RBFOX1: variants seen among roughly 807,000 people sequenced by gnomAD.
RBFOX1 encodes RNA binding protein fox-1 homolog 1.
In RBFOX1, 8 loss-of-function variants were observed where a neutral mutation model predicts 57.7. That is an observed-to-expected ratio of 0.14 (90% confidence interval 0.08 to 0.25). The LOEUF (loss-of-function observed/expected upper bound fraction) is 0.25. RBFOX1 is among the 10% of genes least tolerant of loss of function. The probability of loss-of-function intolerance (pLI) is 1.00; values close to 1 mark genes in which losing one functional copy is unlikely to be tolerated. For missense variants in RBFOX1, 611 were observed against 548.5 expected, an observed-to-expected ratio of 1.11 and a Z score of -1.14; for synonymous variants, 326 against 222.4, an observed-to-expected ratio of 1.47 and a Z score of -4.15.
At chr16:5,794,613 A>C (rs374508800) in intron 3 of RBFOX1, among the ~76,000 whole-genome samples, 1 of 152,090 alleles carries the variant, frequency 6.6e-6, no homozygotes, top group Admixed American at 6.6e-5. Context: ...GCATGTGGTG[A>C]GCAAAATGAG....
At chr16:5,602,729 G>A (rs529411939), downstream of RBFOX1, among the ~76,000 whole-genome samples, 5 of 152,120 alleles carry the variant, frequency 3.3e-5, no homozygotes, top group South Asian at 2.1e-4. Flanking sequence ...GACAGTGGTA[G>A]TAATAATATA....
At chr16:6,532,341 GA>G (rs2096669917) in intron 2 of RBFOX1, among the ~76,000 whole-genome samples, 1 of 152,272 alleles carries the variant, frequency 6.6e-6, no homozygotes, top group East Asian at 1.9e-4. Context: ...TTTTCATAGA[GA>G]AGGTCGATTT....
At chr16:6,365,431 G>C (rs1457743312) in intron 2 of RBFOX1, among the ~76,000 whole-genome samples, 1 of 151,710 alleles carries the variant, frequency 6.6e-6, no homozygotes, top group African/African-American at 2.4e-5. Context: ...TGGATGGGTA[G>C]ATGAGTGAAT....
intron 4 of RBFOX1, among the ~76,000 whole-genome samples, chr16:7,208,450 C>T (rs996178847): frequency 1.3e-5 from 2 of 152,092 alleles, no homozygotes; most frequent in African/African-American, 4.8e-5. Context: ...TGCTTCCACT[C>T]GTGGCAGAAA....
chr16:6,845,935 C>G (rs1171419507), intron 3 of RBFOX1, among the ~76,000 whole-genome samples: 1 of 152,170 alleles, frequency 6.6e-6, no homozygotes, highest in Non-Finnish European at 1.5e-5. Flanking sequence ...CTCAACCTGC[C>G]ATGGACAGCA....
chr16:6,956,825 G>C (rs1158357472), intron 3 of RBFOX1, among the ~76,000 whole-genome samples: 1 of 152,152 alleles, frequency 6.6e-6, no homozygotes, highest in Non-Finnish European at 1.5e-5. Context: ...GCTGGGGCTG[G>C]AGCTATCCAA....
intron 3 of RBFOX1, among the ~76,000 whole-genome samples, chr16:5,775,153 C>G (rs534687490): frequency 1.3e-5 from 2 of 152,312 alleles, no homozygotes; most frequent in South Asian, 2.1e-4. Flanking sequence ...CCCAAATCAG[C>G]TCAAAGTAAC....
At chr16:6,999,317 A>C (rs1238969074) in intron 3 of RBFOX1, among the ~76,000 whole-genome samples, 2 of 150,910 alleles carry the variant, frequency 1.3e-5, no homozygotes, top group African/African-American at 4.9e-5. Context: ...TCGGCCTCCA[A>C]AAGTGATGGG....
intron 2 of RBFOX1, among the ~76,000 whole-genome samples, chr16:6,634,771 C>T (rs57609738): frequency 3.0e-4 from 10 of 33,650 alleles, no homozygotes; most frequent in Non-Finnish European, 5.4e-4. Context: ...TATATTTGTA[C>T]TAAATATATA....
chr16:6,309,328 C>T (rs1441707773), intron 1 of RBFOX1, among the ~76,000 whole-genome samples: 1 of 152,144 alleles, frequency 6.6e-6, no homozygotes, highest in Non-Finnish European at 1.5e-5. Flanking sequence ...CTCTCTCTGG[C>T]CTTGAATCTG....
chr16:5,784,166 A>G (rs1156373384), intron 3 of RBFOX1, among the ~76,000 whole-genome samples: 1 of 152,202 alleles, frequency 6.6e-6, no homozygotes, highest in Non-Finnish European at 1.5e-5. Context: ...TCACGCCTAT[A>G]ATCCCAGCAC....
intron 2 of RBFOX1, among the ~76,000 whole-genome samples, chr16:5,475,931 A>T (rs2069305683): frequency 6.6e-6 from 1 of 152,118 alleles, no homozygotes; most frequent in African/African-American, 2.4e-5. Flanking sequence ...CTGGCCTCCA[A>T]AGTGTGGCTC....
intron 2 of RBFOX1, among the ~76,000 whole-genome samples, chr16:5,510,256 T>C (rs1195126388): frequency 2.6e-5 from 4 of 152,188 alleles, no homozygotes; most frequent in African/African-American, 7.2e-5. Flanking sequence ...CCGTCACTTA[T>C]TGTCACAGGT....
At chr16:6,744,561 C>G (rs540872055) in intron 3 of RBFOX1, among the ~76,000 whole-genome samples, 1 of 151,998 alleles carries the variant, frequency 6.6e-6, no homozygotes, top group African/African-American at 2.4e-5. Context: ...TCTCCAAACA[C>G]TTGGAGAATA....
chr16:6,457,844 G>A (rs545665411), intron 2 of RBFOX1, among the ~76,000 whole-genome samples: 85 of 152,108 alleles, frequency 5.6e-4, no homozygotes, highest in Non-Finnish European at 1.1e-3. Flanking sequence ...CAGCGCCTTG[G>A]AATAAAAAGT....
At chr16:6,870,958 G>A (rs905049948) in intron 3 of RBFOX1, among the ~76,000 whole-genome samples, 1 of 152,166 alleles carries the variant, frequency 6.6e-6, no homozygotes, top group Non-Finnish European at 1.5e-5. Context: ...CCATATTCCT[G>A]TAGACCTGGA....
At chr16:5,714,601 A>G (rs1156442090) in intron 3 of RBFOX1, among the ~76,000 whole-genome samples, 3 of 152,240 alleles carry the variant, frequency 2.0e-5, no homozygotes, top group Non-Finnish European at 2.9e-5. Context: ...GTTATACAGC[A>G]TTACTGTGGC....
chr16:7,226,901 G>A (rs1218667410), intron 4 of RBFOX1, among the ~76,000 whole-genome samples: 6 of 152,110 alleles, frequency 3.9e-5, no homozygotes, highest in Non-Finnish European at 5.9e-5. Context: ...TACAGTGGGG[G>A]TATTTTCATC....
At chr16:7,489,035 A>G (rs570743021) in intron 4 of RBFOX1, among the ~76,000 whole-genome samples, 5 of 152,238 alleles carry the variant, frequency 3.3e-5, no homozygotes, top group African/African-American at 7.2e-5. Context: ...ATCTATCTCT[A>G]TCTTTATAAA....
Sources: gnomAD v4.1 joint callset for allele counts (sites outside exome capture counted in the v4.1 genomes callset) on GRCh38, gnomAD v4.1.1 for gene constraint, MANE v1.5 for transcripts, NCBI Gene and HGNC (gene_info 2026-07-23, HGNC 2026-07-21) for gene names.